Variants in SUGCT observed in about 807,000 individuals in gnomAD.
The protein encoded by SUGCT is succinyl-CoA:glutarate CoA-transferase.
SUGCT carries 41 observed loss-of-function variants against 55.0 expected under a neutral mutation model. The observed-to-expected ratio is 0.74, with a 90% CI of 0.58 to 0.97. SUGCT has a LOEUF of 0.97. Ranked by LOEUF, SUGCT falls within the 50% of genes least tolerant of loss-of-function variation. The probability of loss-of-function intolerance (pLI) is 0.00; values close to 1 mark genes in which losing one functional copy is unlikely to be tolerated. For missense variants in SUGCT, 568 were observed against 547.8 expected, an observed-to-expected ratio of 1.04 and a Z score of -0.37; for synonymous variants, 187 against 200.4, an observed-to-expected ratio of 0.93 and a Z score of 0.56.
intron 13 of SUGCT, among the ~76,000 whole-genome samples, chr7:40,832,099 C>T (rs1237060654): frequency 6.6e-6 from 1 of 152,148 alleles, no homozygotes; most frequent in East Asian, 1.9e-4. Flanking sequence ...CACAAGGGGC[C>T]GTGCATGCAA....
intron 9 of SUGCT, among the ~76,000 whole-genome samples, chr7:40,341,795 T>C (rs1291403515): frequency 1.3e-5 from 2 of 152,212 alleles, no homozygotes; most frequent in African/African-American, 4.8e-5. Context: ...TAAAGATGCA[T>C]CCTTCTGAGT....
At chr7:40,734,231 G>A (rs1787042362) in intron 12 of SUGCT, among the ~76,000 whole-genome samples, 1 of 152,128 alleles carries the variant, frequency 6.6e-6, no homozygotes. Flanking sequence ...CAATAATTTG[G>A]AATAGTCTGT....
At chr7:40,844,110 A>C (rs1168145384) in intron 13 of SUGCT, among the ~76,000 whole-genome samples, 1 of 152,144 alleles carries the variant, frequency 6.6e-6, no homozygotes, top group Non-Finnish European at 1.5e-5. Flanking sequence ...GGCAGCATCC[A>C]AGCATGTTAC....
intron 7 of SUGCT, among the ~76,000 whole-genome samples, chr7:40,262,065 T>C (rs1487400253): frequency 6.6e-6 from 1 of 152,172 alleles, no homozygotes; most frequent in Non-Finnish European, 1.5e-5. Context: ...TGTGGGAGCT[T>C]AGTAAAAATG....
At chr7:40,921,237 A>AT in the SUGCT span, among the ~76,000 whole-genome samples, 4 of 152,044 alleles carry the variant, frequency 2.6e-5, no homozygotes, top group Middle Eastern at 3.2e-3. Context: ...TTATTTATTT[A>AT]TTTTTTTACA....
chr7:40,432,111 G>A (rs768713165), intron 9 of SUGCT, among the ~76,000 whole-genome samples: 45 of 152,070 alleles, frequency 3.0e-4, no homozygotes, highest in South Asian at 1.2e-3. Context: ...TTGGATCTTA[G>A]TGTAAAACAT....
intron 12 of SUGCT, among the ~76,000 whole-genome samples, chr7:40,591,619 G>C (rs1220940996): frequency 6.6e-6 from 1 of 152,160 alleles, no homozygotes; most frequent in African/African-American, 2.4e-5. Flanking sequence ...TTTTGTGAAA[G>C]GAAGAGTCAA....
chr7:40,756,587 T>C lies in SUGCT; in HGVS notation c.1153+7090T>C, dbSNP rs546222122. On this transcript the variant is annotated intron_variant, in intron 13 of 13. Transcript: ENST00000335693. Reference sequence around the variant, plus strand: ...GAAATCACATGTCCTCAAAGTGCAGTTAAATTTCTATAATGGATAACAGCA... The same window carrying C: ...GAAATCACATGTCCTCAAAGTGCAGCTAAATTTCTATAATGGATAACAGCA... Among the ~76,000 whole-genome samples the C allele has an allele frequency of 4.6e-5, 7 of 152,252 alleles. No homozygotes were observed. The East Asian group carries it at 1.4e-3, about 29-fold the overall frequency.
At chr7:40,357,569 C>G (rs1204457273) in intron 9 of SUGCT, among the ~76,000 whole-genome samples, 3 of 152,148 alleles carry the variant, frequency 2.0e-5, no homozygotes, top group Non-Finnish European at 4.4e-5. Context: ...CACAACTACT[C>G]ACTTCTGCTG....
At chr7:40,785,696 T>C (rs1789976403) in intron 13 of SUGCT, among the ~76,000 whole-genome samples, 1 of 152,190 alleles carries the variant, frequency 6.6e-6, no homozygotes, top group South Asian at 2.1e-4. Flanking sequence ...GCATGTAACG[T>C]CTTCTAAATT....
At position 40,682,626 on chromosome 7, in the gene SUGCT, G is replaced by A. The variant is rs561876246; in HGVS notation, c.1090-66808G>A. On this transcript the variant is annotated intron_variant, in intron 12 of 13. Transcript: ENST00000335693. ...AATCCTCACACATCTGGTGTCAGAA[G>A]TATTGTATTTACTGGTGTGTGAGAG... 3.9e-5 allele frequency among the ~76,000 whole-genome samples: 6 copies of A among 152,234 alleles called. No individual in the cohort carries two copies. In the South Asian group the frequency reaches 1.2e-3, roughly 32 times the overall value.
the SUGCT span, among the ~76,000 whole-genome samples, chr7:40,962,922 A>G: frequency 2.4e-4 from 36 of 152,284 alleles, no homozygotes; most frequent in Admixed American, 2.0e-3. Context: ...TTCCAGGAAG[A>G]TCATCTGGAG....
chr7:40,711,727 C>T (rs1011799203), intron 12 of SUGCT, among the ~76,000 whole-genome samples: 5 of 152,214 alleles, frequency 3.3e-5, no homozygotes, highest in South Asian at 4.1e-4. Flanking sequence ...GTTGGAGTCA[C>T]TCATTGAATT....
the SUGCT span, among the ~76,000 whole-genome samples, chr7:40,870,118 C>A: frequency 3.3e-5 from 5 of 152,186 alleles, no homozygotes; most frequent in African/African-American, 1.2e-4. Flanking sequence ...TTACCACACT[C>A]ATGATCATGT....
the SUGCT span, among the ~76,000 whole-genome samples, chr7:40,929,832 A>G: frequency 6.6e-6 from 1 of 152,118 alleles, no homozygotes; most frequent in Non-Finnish European, 1.5e-5. Context: ...CCTTTGTCAG[A>G]TGGGTAGATT....
chr7:40,438,643 TC>T (rs1788302282), intron 9 of SUGCT, among the ~76,000 whole-genome samples: 1 of 152,122 alleles, frequency 6.6e-6, no homozygotes, highest in South Asian at 2.1e-4. Context: ...TGCTGCTGTC[TC>T]CCCACATCAT....
At chr7:40,695,219 T>TTTA (rs1562950612) in intron 12 of SUGCT, among the ~76,000 whole-genome samples, 126 of 115,906 alleles carry the variant, frequency 1.1e-3, no homozygotes, top group Middle Eastern at 9.9e-3. Context: ...TTATTTATTT[T>TTTA]GAGACAGGGT....
the SUGCT span, among the ~76,000 whole-genome samples, chr7:40,872,818 A>G: frequency 1.3e-5 from 2 of 152,218 alleles, no homozygotes; most frequent in Non-Finnish European, 1.5e-5. Context: ...TTACAAAGTT[A>G]AGAAATATCA....
intron 12 of SUGCT, among the ~76,000 whole-genome samples, chr7:40,707,886 A>G (rs1034813597): frequency 1.3e-5 from 2 of 152,262 alleles, no homozygotes; most frequent in African/African-American, 2.4e-5. Flanking sequence ...TAATGGAAAT[A>G]TCTTTTTCTG....
Sources: allele counts gnomAD v4.1 joint callset (sites outside exome capture counted in the v4.1 genomes callset), GRCh38; gene constraint gnomAD v4.1.1; transcripts MANE v1.5; gene names NCBI Gene and HGNC (gene_info 2026-07-23, HGNC 2026-07-21).